Variants in UNC79 observed in about 807,000 individuals in gnomAD.
UNC79 encodes unc-79 subunit of NALCN channel complex.
UNC79 carries 37 observed loss-of-function variants against 283.1 expected under a neutral mutation model. That is an observed-to-expected ratio of 0.13 (90% CI 0.10 to 0.17). The LOEUF (loss-of-function observed/expected upper bound fraction) is 0.17. Among genes scored for constraint, UNC79 ranks in the 10% least tolerant of loss-of-function variants. The pLI is 1.00. For missense variants in UNC79, 2,272 were observed against 3,211.1 expected (o/e 0.71, Z 7.07); for synonymous variants, 1,107 against 1,200.2 (o/e 0.92, Z 1.61).
chr14:93,433,958 A>G (rs929943273), intron 1 of UNC79, among the ~76,000 whole-genome samples: 13 of 152,342 alleles, frequency 8.5e-5, no homozygotes, highest in African/African-American at 2.4e-4. Context: ...TCACGCCTGT[A>G]ATCCCAGCAC....
chr14:93,355,597 T>C lies in UNC79; in HGVS notation c.-351+22074T>C, dbSNP rs188901858. Among the ~76,000 whole-genome samples, 717 of 152,302 alleles carry C rather than the reference T, an allele frequency of 4.7e-3. 3 individuals are homozygous for C. The highest frequency in any genetic ancestry group is 5.2e-3 in the Non-Finnish European group (355 of 68,024). On this transcript the variant is annotated intron_variant, in intron 1 of 49. Coordinates refer to the UNC79 transcript ENST00000256339. ...ATCTGCCCGCCTTGGCCTCCCAAAG[T>C]ACTGGGATTATAGATGTGAGCCACC...
intron 44 of UNC79, chr14:93,689,048 C>T (rs371606504): frequency 5.9e-6 from 3 of 510,808 alleles, no homozygotes; most frequent in East Asian, 6.5e-5. Context: ...TAAACCTGTC[C>T]TCCCACAAAA....
intron 47 of UNC79, among the ~76,000 whole-genome samples, chr14:93,696,693 T>G (rs2075154041): frequency 6.6e-6 from 1 of 152,196 alleles, no homozygotes. Context: ...AAGTTTGAGA[T>G]ACAAGTCCTT....
rs778853356 is a variant in UNC79, at chr14:93,693,794, G to C, written c.7471-541G>C. ...ATGTAAATCCCCTTACCTTGCAAAA[G>C]ATATCCAGAAAACCAAGGAAAATAG... On this transcript the variant is annotated intron_variant, in intron 46 of 48. Coordinates refer to ENST00000555664, the Ensembl canonical transcript of UNC79. Among the ~76,000 whole-genome samples, 7 of 152,130 alleles carry C rather than the reference G, an allele frequency of 4.6e-5. 1 individual carries two copies. Among genetic ancestry groups the C allele is most frequent in the Non-Finnish European group, 8.8e-5 (6 of 68,028 alleles).
intron 27 of UNC79, among the ~76,000 whole-genome samples, chr14:93,613,489 C>T (rs2066459843): frequency 0.02 from 1 of 50 alleles, no homozygotes; most frequent in African/African-American, 0.056. Flanking sequence ...GATCTCAGCT[C>T]GCTGCAAGTC....
intron 14 of UNC79, among the ~76,000 whole-genome samples, chr14:93,553,095 A>G (rs149230044): frequency 0.012 from 1,840 of 152,364 alleles, 22 homozygotes; most frequent in Non-Finnish European, 0.016. Context: ...TTCTTATTGC[A>G]TGTATGCAAA....
chr14:93,363,320 G>C (rs2054262959), intron 1 of UNC79, among the ~76,000 whole-genome samples: 1 of 152,164 alleles, frequency 6.6e-6, no homozygotes, highest in African/African-American at 2.4e-5. Flanking sequence ...GCTGTAGCTT[G>C]AGAGCGTAAT....
At chr14:93,466,778 CAG>C in intron 1 of UNC79, 1 of 872,524 alleles carries the variant, frequency 1.1e-6, no homozygotes, top group Non-Finnish European at 1.4e-6. Context: ...AAGAGGAGAC[CAG>C]AGAGACGTTG....
intron 40 of UNC79, among the ~76,000 whole-genome samples, chr14:93,668,387 C>T (rs973222750): frequency 1.3e-5 from 2 of 152,114 alleles, no homozygotes; most frequent in South Asian, 2.1e-4. Context: ...AAAATGTCAT[C>T]TATTGTGGTG....
intron 42 of UNC79, among the ~76,000 whole-genome samples, chr14:93,683,857 A>AAAC (rs1555403580): frequency 6.6e-6 from 1 of 151,818 alleles, no homozygotes; most frequent in African/African-American, 2.4e-5. Context: ...AAAAAAAAAA[A>AAAC]ACACACACTT....
intron 12 of UNC79, among the ~76,000 whole-genome samples, 154 bp from the exon 13 acceptor site, chr14:93,540,503 GGAT>G: frequency 1.3e-5 from 2 of 152,114 alleles, no homozygotes; most frequent in Admixed American, 6.6e-5. Flanking sequence ...GAGTAACTCA[GGAT>G]GCACAGTACT....
chr14:93,374,837 A>G (rs1304402580), intron 1 of UNC79, among the ~76,000 whole-genome samples: 1 of 152,198 alleles, frequency 6.6e-6, no homozygotes, highest in Admixed American at 6.5e-5. Flanking sequence ...GTGAGCCACC[A>G]TACTCGGCCT....
intron 31 of UNC79, chr14:93,634,570 C>A: frequency 1.2e-6 from 2 of 1,614,132 alleles, no homozygotes; most frequent in Non-Finnish European, 1.7e-6. Context: ...TGACAATGAG[C>A]CAGTTAATGA....
At chr14:93,510,969 A>C (rs536535310) in intron 7 of UNC79, among the ~76,000 whole-genome samples, 1 of 152,202 alleles carries the variant, frequency 6.6e-6, no homozygotes, top group Non-Finnish European at 1.5e-5. Context: ...TTTATAAAGA[A>C]AAGAGGTTTA....
At chr14:93,341,905 C>T (rs1360250704) in intron 1 of UNC79, among the ~76,000 whole-genome samples, 1 of 152,156 alleles carries the variant, frequency 6.6e-6, no homozygotes, top group Non-Finnish European at 1.5e-5. Flanking sequence ...TTCCCAAGGC[C>T]TTGGGCAGCT....
At chr14:93,505,182 T>A (rs1462930533) in intron 7 of UNC79, among the ~76,000 whole-genome samples, 2 of 152,138 alleles carry the variant, frequency 1.3e-5, no homozygotes, top group African/African-American at 4.8e-5. Context: ...AATTTGTAAT[T>A]GTTTAATTCA....
At chr14:93,632,989 T>C (rs564176393) in intron 31 of UNC79, among the ~76,000 whole-genome samples, 3 of 152,282 alleles carry the variant, frequency 2.0e-5, no homozygotes, top group South Asian at 2.1e-4. Flanking sequence ...TTAAGGGTTT[T>C]ATTCTCAGGG....
intron 25 of UNC79, 81 bp downstream of exon 25, chr14:93,600,851 C>T (rs2065447480): frequency 6.7e-6 from 10 of 1,483,474 alleles, no homozygotes; most frequent in East Asian, 2.3e-5. Flanking sequence ...ATTGGCATGT[C>T]GTTTAATTCC....
At chr14:93,609,434 A>T (rs570733219) in intron 26 of UNC79, among the ~76,000 whole-genome samples, 2 of 152,302 alleles carry the variant, frequency 1.3e-5, no homozygotes, top group East Asian at 3.9e-4. Flanking sequence ...TGGAGTTTCA[A>T]TCAGTTACAC....
Sources: allele counts gnomAD v4.1 joint callset (sites outside exome capture counted in the v4.1 genomes callset), GRCh38; gene constraint gnomAD v4.1.1; transcripts MANE v1.5; gene names NCBI Gene and HGNC (gene_info 2026-07-23, HGNC 2026-07-21).